IL1RL1: variants seen among roughly 807,000 people sequenced by gnomAD.
The protein encoded by IL1RL1 is interleukin-1 receptor-like 1.
Under a neutral mutation model 50.9 loss-of-function variants are expected in IL1RL1, and 32 were observed. The observed-to-expected ratio is 0.63, with a 90% CI of 0.47 to 0.84. IL1RL1 has a LOEUF of 0.84. IL1RL1 is among the 40% of genes least tolerant of loss of function. The probability of loss-of-function intolerance (pLI) is 0.00; values close to 1 mark genes in which losing one functional copy is unlikely to be tolerated. For synonymous variants in IL1RL1, 275 were observed against 236.0 expected, an observed-to-expected ratio of 1.17 and a Z score of -1.51; for missense variants, 773 against 662.9, an observed-to-expected ratio of 1.17 and a Z score of -1.82.
intron 8 of IL1RL1, chr2:102,345,691 T>G (rs1474109181): frequency 1.0e-6 from 1 of 985,264 alleles, no homozygotes; most frequent in African/African-American, 1.7e-5. Context: ...GATTTGTAAG[T>G]TTTTCATAAA....
intron 1 of IL1RL1, among the ~76,000 whole-genome samples, chr2:102,327,660 T>A (rs1164671564): frequency 6.6e-6 from 1 of 152,050 alleles, no homozygotes; most frequent in Non-Finnish European, 1.5e-5. Flanking sequence ...CAATAAAAAA[T>A]GACAAAGGCG....
At position 102,340,784 on chromosome 2, in the gene IL1RL1, G is replaced by T. The variant is rs148867750; in HGVS notation, c.566G>T (p.Gly189Val). 85 of 1,589,744 alleles carry T rather than the reference G, an allele frequency of 5.3e-5. No homozygotes were observed. The highest frequency in any genetic ancestry group is 7.2e-5 in the Non-Finnish European group (84 of 1,172,798). ...YTCKFIHNENGANYSVTATRS... is the reference protein window; with the variant it reads ...YTCKFIHNENVANYSVTATRS... Reference sequence around the variant, plus strand: ...TGTAAATTTATACACAATGAAAATGGAGCCAATTATAGTGTGACGGCGACC... The same window carrying T: ...TGTAAATTTATACACAATGAAAATGTAGCCAATTATAGTGTGACGGCGACC... Residue 189 changes from glycine (G) to valine (V), a missense_variant, in exon 5 of 11, where the codon GGA (glycine) becomes GTA (valine). Gly to Val is a moderately radical substitution (Grantham distance 109). Coordinates refer to ENST00000233954, the MANE Select transcript of IL1RL1 (RefSeq NM_016232.5).
At position 102,338,295 on chromosome 2, in the gene IL1RL1, A is replaced by G. The variant is rs766700683; in HGVS notation, c.31A>G (p.Ile11Val). Residue 11 changes from isoleucine (I) to valine (V), a missense_variant, in exon 2 of 11, where the codon ATT becomes GTT. Transcript: ENST00000233954. ...GTTTTGGATCTTAGCAATTCTCACA[A>G]TTCTCATGTATTCCACAGCAGCAAA... The part of the protein sequence containing the change: MGFWILAILT[I>V]LMYSTAAKFS... 1.9e-6 allele frequency: 3 copies of G among 1,604,954 alleles called. No individual in the cohort carries two copies.
At chr2:102,342,662 A>G (rs576810219) in intron 6 of IL1RL1, among the ~76,000 whole-genome samples, 2 of 152,322 alleles carry the variant, frequency 1.3e-5, no homozygotes, top group African/African-American at 4.8e-5. Context: ...GGAGAGATGA[A>G]GAGAGTTCTG....
At chr2:102,315,221 G>A (rs565083556) in intron 1 of IL1RL1, among the ~76,000 whole-genome samples, 136 of 152,220 alleles carry the variant, frequency 8.9e-4, no homozygotes, top group Non-Finnish European at 3.7e-4. Flanking sequence ...TATGCCGTGG[G>A]GAAAAGGAGT....
At chr2:102,328,833 A>G (rs1677090258) in intron 1 of IL1RL1, among the ~76,000 whole-genome samples, 1 of 152,198 alleles carries the variant, frequency 6.6e-6, no homozygotes, top group South Asian at 2.1e-4. Context: ...TCAATGAAAT[A>G]AAGGAGGATA....
At chr2:102,327,936 G>A (rs1677060613) in intron 1 of IL1RL1, among the ~76,000 whole-genome samples, 1 of 152,156 alleles carries the variant, frequency 6.6e-6, no homozygotes, top group African/African-American at 2.4e-5. Context: ...ACAAGGAGGA[G>A]CTGTTACCAT....
chr2:102,348,988 G>GACATACATTCT, intron 9 of IL1RL1, 91 bp from the exon 10 acceptor site: 1 of 936,094 alleles, frequency 1.1e-6, no homozygotes, highest in Non-Finnish European at 1.7e-6. Flanking sequence ...TTCACCAACA[G>GACATACATTCT]CCATAAAACT....
rs148040699 is a variant in IL1RL1 at position 102,344,860 on chromosome 2, G to A, written c.970+1445G>A. The A allele has an allele frequency of 1.7e-3, 1,656 of 964,246 alleles. 8 individuals are homozygous for A. The East Asian group carries it at 0.029, about 17-fold the overall frequency. 59.7% of individuals were successfully genotyped at this position (964,246 alleles called of 1,614,324 possible). A position where few individuals can be genotyped will look rare whatever the true frequency, so the allele number is the denominator to read the frequency against. Reference sequence around the variant, plus strand: ...TCCTCATCATTTGGAAAGTCAAATTGTTTATTGCTTCCCTACAGTTTTTTC... The same window carrying A: ...TCCTCATCATTTGGAAAGTCAAATTATTTATTGCTTCCCTACAGTTTTTTC... On this transcript the variant is annotated intron_variant, in intron 8 of 10. Transcript: ENST00000233954.
In IL1RL1 at chr2:102,351,536, A is replaced by G. The variant is rs1409837861; in HGVS notation, c.1286A>G (p.Asp429Gly). The G allele has an allele frequency of 1.2e-6, 2 of 1,612,638 alleles. No homozygotes were observed. Among genetic ancestry groups the G allele is most frequent in the Admixed American group, 1.7e-5 (1 of 59,946 alleles). The stretch of plus-strand genomic sequence containing the variant: ...TCTGATCTATTTCTTGTATGACTAG[A>G]TGTAGTCACTGCAGTGGAAACCAAC... ...IYGRDMLPGE[D>G]VVTAVETNIR... The change falls in exon 11 of 11, where the codon GAT (aspartate) becomes GGT (glycine). Residue 429 changes from aspartate (D) to glycine (G), a missense_variant and splice_region_variant. By Grantham distance (94) the Asp-to-Gly change is moderately conservative. Transcript: ENST00000233954.
intron 1 of IL1RL1, among the ~76,000 whole-genome samples, chr2:102,325,149 C>T (rs1309468823): frequency 3.3e-5 from 5 of 152,100 alleles, no homozygotes; most frequent in African/African-American, 1.2e-4. Flanking sequence ...TCCTCTGAGA[C>T]AAAACTTCCA....
intron 1 of IL1RL1, among the ~76,000 whole-genome samples, chr2:102,332,492 G>T (rs1677203467): frequency 6.6e-6 from 1 of 152,180 alleles, no homozygotes; most frequent in South Asian, 2.1e-4. Context: ...ATAAAGTACA[G>T]ACCCATGCTA....
At position 102,351,782 on chromosome 2, in the gene IL1RL1, A is replaced by G. The variant is rs1487000169; in HGVS notation, c.1532A>G (p.Lys511Arg). Reference sequence around the variant, plus strand: ...CTTATGAAAGTACAGGGGACCATCAAGTGGAGGGAGGACCACATTGCCAAT... The same window carrying G: ...CTTATGAAAGTACAGGGGACCATCAGGTGGAGGGAGGACCACATTGCCAAT... ...QHLMKVQGTI[K>R]WREDHIANKR... The change falls in exon 11 of 11, where the codon AAG becomes AGG. Residue 511 changes from lysine to arginine, a missense_variant. Coordinates refer to ENST00000233954, the MANE Select transcript of IL1RL1 (RefSeq NM_016232.5). 1.2e-6 allele frequency: 2 copies of G among 1,614,010 alleles called. No homozygotes were observed. The highest frequency in any genetic ancestry group is 8.5e-7 in the Non-Finnish European group (1 of 1,180,018).
At chr2:102,334,899 C>CTTTTGTT (rs1316695620) in intron 1 of IL1RL1, among the ~76,000 whole-genome samples, 5 of 151,768 alleles carry the variant, frequency 3.3e-5, no homozygotes, top group Non-Finnish European at 5.9e-5. Flanking sequence ...TTTGTTTGTT[C>CTTTTGTT]TTTTGTTTTT....
chr2:102,313,305 T>C (rs541070121), intron 1 of IL1RL1: 33 of 151,970 alleles, frequency 2.2e-4, no homozygotes, highest in African/African-American at 8.0e-4. Flanking sequence ...ATTGTCCTTA[T>C]TTTTTTTGTT....
chr2:102,324,059 A>C (rs1345085456), intron 1 of IL1RL1, among the ~76,000 whole-genome samples: 1 of 148,262 alleles, frequency 6.7e-6, no homozygotes, highest in African/African-American at 2.5e-5. Flanking sequence ...TGAATATAGA[A>C]TAGTTTAGCC....
intron 1 of IL1RL1, among the ~76,000 whole-genome samples, chr2:102,320,260 G>A (rs1273154157): frequency 6.6e-6 from 1 of 152,122 alleles, no homozygotes; most frequent in South Asian, 2.1e-4. Flanking sequence ...TCAGAACTCA[G>A]GGTCACTTCA....
chr2:102,348,997 C>T, intron 9 of IL1RL1, 82 bp from the exon 10 acceptor site: 2 of 1,060,612 alleles, frequency 1.9e-6, no homozygotes, highest in Non-Finnish European at 2.9e-6. Context: ...AGCCATAAAA[C>T]TTGGAGAGGA....
chr2:102,336,685 G>C (rs988204973), intron 1 of IL1RL1, among the ~76,000 whole-genome samples: 2 of 152,010 alleles, frequency 1.3e-5, no homozygotes, highest in African/African-American at 4.8e-5. Context: ...CTCTAGAAAA[G>C]CTCCTTTTTT....
Sources: gnomAD v4.1 joint callset for allele counts (sites outside exome capture counted in the v4.1 genomes callset) on GRCh38, gnomAD v4.1.1 for gene constraint, MANE v1.5 for transcripts, NCBI Gene and HGNC (gene_info 2026-07-23, HGNC 2026-07-21) for gene names.